Variants in DSG1 observed in about 807,000 individuals in gnomAD.
DSG1 encodes desmoglein 1.
Under a neutral mutation model 97.5 loss-of-function variants are expected in DSG1, and 39 were observed. That is an observed-to-expected ratio of 0.40 (90% confidence interval 0.31 to 0.52). The LOEUF (loss-of-function observed/expected upper bound fraction) is 0.52. Ranked by LOEUF, DSG1 falls within the 20% of genes least tolerant of loss-of-function variation. DSG1 has a pLI of 0.53. For missense variants in DSG1, 1,311 were observed against 1,295.4 expected (o/e 1.01, Z -0.18); for synonymous variants, 475 against 443.4 (o/e 1.07, Z -0.90).
intron 1 of DSG1, among the ~76,000 whole-genome samples, chr18:31,324,417 C>A (rs2071673540): frequency 6.6e-6 from 1 of 151,778 alleles, no homozygotes; most frequent in South Asian, 2.1e-4. Context: ...ATTTCAAATT[C>A]TCACGATTTC....
Position 31,346,080 on chromosome 18 carries a change from A to C in DSG1, c.1982A>C (p.Lys661Thr). The change falls in exon 14 of 15, where the codon AAA becomes ACA. Residue 661 changes from lysine (K) to threonine (T), a missense_variant. This residue lies in a region of DSG1 where 1,038 missense variants were observed against 964.6 expected (regional missense o/e 1.08). Coordinates refer to ENST00000257192, the MANE Select transcript of DSG1 (RefSeq NM_001942.4). ...MTGFELTEGV[K>T]TSGMPEICQE... ...GGATTTGAACTAACAGAGGGAGTTA[A>C]AACTTCAGGAATGCCTGAGATATGT... 1.2e-6 allele frequency: 2 copies of C among 1,613,978 alleles called. No individual in the cohort carries two copies. Among genetic ancestry groups the C allele is most frequent in the Non-Finnish European group, 1.7e-6 (2 of 1,179,852 alleles).
chr18:31,330,968 T>C lies in DSG1; in HGVS notation c.518-733T>C, dbSNP rs551617877. On this transcript the variant is annotated intron_variant, in intron 5 of 14. Coordinates refer to ENST00000257192, the MANE Select transcript of DSG1 (RefSeq NM_001942.4). ...CCATGAAGCATTTGTAGGAAAATTG[T>C]ATTTAAAATGGAGTTGGAGAGTAGA... 2.3e-3 allele frequency among the ~76,000 whole-genome samples: 347 copies of C among 152,206 alleles called. 2 individuals carry two copies. Among genetic ancestry groups the C allele is most frequent in the African/African-American group, 7.8e-3 (325 of 41,564 alleles).
Position 31,339,875 on chromosome 18 carries a change from A to G in DSG1, c.1537A>G (p.Thr513Ala). 6.2e-7 allele frequency: 1 copy of G among 1,614,154 alleles called. No homozygotes were observed. Among genetic ancestry groups the G allele is most frequent in the Non-Finnish European group, 8.5e-7 (1 of 1,180,014 alleles). Residue 513 changes from threonine (T) to alanine (A), a missense_variant, in exon 11 of 15, where the codon ACT becomes GCT. By Grantham distance (58) the Thr-to-Ala change is moderately conservative. Coordinates refer to ENST00000257192, the MANE Select transcript of DSG1 (RefSeq NM_001942.4). ...NTGRQESTSSTNYDTSTTSTD... is the reference protein window; with the variant it reads ...NTGRQESTSSANYDTSTTSTD... ...TGGCAGACAAGAAAGTACTTCTTCCACTAACTATGATACCAGCACAACTTC... is the reference window on the plus strand; with the variant it reads ...TGGCAGACAAGAAAGTACTTCTTCCGCTAACTATGATACCAGCACAACTTC...
In DSG1 at chr18:31,354,707, G is replaced by A. The variant is rs2071937391; in HGVS notation, c.2511G>A (p.Val837=). The A allele has an allele frequency of 6.2e-7, 1 of 1,613,924 alleles. No homozygotes were observed. Among genetic ancestry groups the A allele is most frequent in the East Asian group, 2.2e-5 (1 of 44,870 alleles). The change falls in exon 15 of 15, where the codon GTG becomes GTA. Residue 837 remains valine, a synonymous_variant. Coordinates refer to ENST00000257192, the MANE Select transcript of DSG1 (RefSeq NM_001942.4). The part of the protein sequence containing the change: ...LDPLGYGNVT[V]TESYTTSDTL... The stretch of plus-strand genomic sequence containing the variant: ...CTCTGGGCTATGGTAATGTCACTGT[G>A]ACCGAGTCTTACACCACCTCTGACA...
Position 31,333,592 on chromosome 18 carries a change from T to A in DSG1, c.688T>A (p.Tyr230Asn), listed in dbSNP as rs371339794. ...TGCCTGTAATATGTATTTTTAGCAATACGGCCAGTATGCTCTTGCTGTAAG... is the reference window on the plus strand; with the variant it reads ...TGCCTGTAATATGTATTTTTAGCAAAACGGCCAGTATGCTCTTGCTGTAAG... The part of the protein sequence containing the change: ...TMNNFLDREQ[Y>N]GQYALAVRGS... The change falls in exon 7 of 15, where the codon TAC (tyrosine) becomes AAC (asparagine). Residue 230 changes from tyrosine (Y) to asparagine (N), a missense_variant. By Grantham distance (143) the Tyr-to-Asn change is moderately radical. Around this residue, in one of 3 missense-constraint regions of DSG1, gnomAD observed 259 missense variants for 304.1 expected, o/e 0.85. Transcript: ENST00000257192. The A allele has an allele frequency of 7.4e-6, 12 of 1,613,716 alleles. No individual in the cohort carries two copies. Among genetic ancestry groups the A allele is most frequent in the African/African-American group, 1.3e-5 (1 of 74,894 alleles).
intron 9 of DSG1, 81 bp from the exon 10 acceptor site, chr18:31,338,234 G>GA (rs200520431): frequency 2.9e-5 from 41 of 1,422,476 alleles, no homozygotes; most frequent in African/African-American, 2.3e-4. Flanking sequence ...ATTACTCACT[G>GA]AAAAAAACAA....
intron 4 of DSG1, 83 bp from the exon 5 acceptor site, chr18:31,329,809 G>A (rs547689337): frequency 5.9e-5 from 89 of 1,505,806 alleles, no homozygotes; most frequent in African/African-American, 1.1e-4. Flanking sequence ...CTTTTAATTC[G>A]CCACAGTGCT....
At chr18:31,331,093 A>G (rs1004966804) in intron 5 of DSG1, among the ~76,000 whole-genome samples, 4 of 152,126 alleles carry the variant, frequency 2.6e-5, no homozygotes, top group Admixed American at 2.6e-4. Context: ...ATGAAAAGAT[A>G]AGAGACAGGA....
intron 14 of DSG1, among the ~76,000 whole-genome samples, chr18:31,350,684 G>T (rs1450179610): frequency 6.8e-6 from 1 of 147,882 alleles, no homozygotes; most frequent in South Asian, 2.2e-4. Flanking sequence ...ACTTCTACCT[G>T]GTTTAGTCTT....
intron 8 of DSG1, among the ~76,000 whole-genome samples, chr18:31,334,769 G>A (rs1011926632): frequency 5.9e-5 from 9 of 152,004 alleles, no homozygotes; most frequent in African/African-American, 9.7e-5. Flanking sequence ...CAAGTCAACC[G>A]GTCCAGAACA....
intron 3 of DSG1, 117 bp downstream of exon 3, chr18:31,327,122 A>G: frequency 1.5e-6 from 2 of 1,313,450 alleles, no homozygotes; most frequent in South Asian, 2.5e-5. Context: ...TACAGAACAG[A>G]ACTATAGTCA....
chr18:31,331,451 A>G (rs1156914012), intron 5 of DSG1, among the ~76,000 whole-genome samples: 1 of 152,124 alleles, frequency 6.6e-6, no homozygotes, highest in Non-Finnish European at 1.5e-5. Context: ...ATAGAAAGCC[A>G]GAATAACACA....
At chr18:31,348,098 C>CT (rs2071857853) in intron 14 of DSG1, among the ~76,000 whole-genome samples, 2 of 150,170 alleles carry the variant, frequency 1.3e-5, no homozygotes, top group African/African-American at 4.9e-5. Context: ...AGGTATATCT[C>CT]CCGATGCTAT....
chr18:31,351,261 C>A (rs1187466712), intron 14 of DSG1, among the ~76,000 whole-genome samples: 5 of 150,286 alleles, frequency 3.3e-5, no homozygotes, highest in Non-Finnish European at 5.9e-5. Flanking sequence ...TGTTCAGTTT[C>A]CATGTAGTTG....
chr18:31,341,832 G>T (rs11876846), intron 11 of DSG1, among the ~76,000 whole-genome samples: 69,805 of 151,890 alleles, frequency 0.46, 16,740 homozygotes, highest in South Asian at 0.54. Flanking sequence ...TAAGAGTAAC[G>T]TAATTACCCA....
chr18:31,330,078 G>A (rs1394935316), intron 5 of DSG1, 42 bp downstream of exon 5: 4 of 1,608,016 alleles, frequency 2.5e-6, no homozygotes, highest in East Asian at 2.2e-5. Context: ...TAACAGCCAG[G>A]CACCTAACTG....
chr18:31,321,817 ACT>A (rs1020985602), intron 1 of DSG1, among the ~76,000 whole-genome samples: 1 of 152,138 alleles, frequency 6.6e-6, no homozygotes, highest in Admixed American at 6.5e-5. Context: ...ATTTCTGGTA[ACT>A]CTTTCTCCAC....
intron 3 of DSG1, among the ~76,000 whole-genome samples, chr18:31,327,327 T>C (rs1260753290): frequency 3.3e-5 from 5 of 152,218 alleles, no homozygotes; most frequent in Non-Finnish European, 7.3e-5. Flanking sequence ...ATTACTTCAA[T>C]GTGTGCTCTT....
At chr18:31,349,377 T>A (rs1222369015) in intron 14 of DSG1, among the ~76,000 whole-genome samples, 2 of 150,494 alleles carry the variant, frequency 1.3e-5, no homozygotes. Context: ...AGCCTTATAG[T>A]ATAGTTTGAA....
Sources: allele counts gnomAD v4.1 joint callset (sites outside exome capture counted in the v4.1 genomes callset), GRCh38; gene constraint gnomAD v4.1.1; regional missense constraint gnomAD v4.1.1; transcripts MANE v1.5; gene names NCBI Gene and HGNC (gene_info 2026-07-23, HGNC 2026-07-21).